The following WDR72 variants were observed in gnomAD, a reference collection of about 807,000 sequenced individuals.
WDR72 encodes the protein WD repeat-containing protein 72.
In WDR72, 120 loss-of-function variants were observed where a neutral mutation model predicts 124.2. The ratio of observed to expected loss-of-function variants is 0.97; its 90% CI spans 0.83 to 1.12. The LOEUF is 1.12. Ranked by LOEUF, WDR72 falls within the 50% of genes most tolerant of loss-of-function variation. The probability of loss-of-function intolerance (pLI) is 0.00; values close to 1 mark genes in which losing one functional copy is unlikely to be tolerated. For missense variants in WDR72, 1,387 were observed against 1,278.8 expected, an observed-to-expected ratio of 1.08 and a Z score of -1.29; for synonymous variants, 452 against 441.7, an observed-to-expected ratio of 1.02 and a Z score of -0.29.
chr15:53,582,659 T>G (rs1284777705), intron 18 of WDR72, among the ~76,000 whole-genome samples: 4 of 152,018 alleles, frequency 2.6e-5, no homozygotes, highest in African/African-American at 9.7e-5. Flanking sequence ...TTAAGATACA[T>G]TTTAACTGCT....
At chr15:53,755,244 C>G (rs2018870007) in intron 1 of WDR72, among the ~76,000 whole-genome samples, 2 of 152,100 alleles carry the variant, frequency 1.3e-5, no homozygotes, top group African/African-American at 4.8e-5. Context: ...AATCAAAATG[C>G]ATATAAAGAA....
At chr15:53,714,822 T>C (rs1457519990) in intron 5 of WDR72, among the ~76,000 whole-genome samples, 1 of 152,198 alleles carries the variant, frequency 6.6e-6, no homozygotes, top group Non-Finnish European at 1.5e-5. Context: ...TTGCAGTCAC[T>C]CATTACAGAA....
At chr15:53,708,082 G>A (rs574113089) in intron 9 of WDR72, among the ~76,000 whole-genome samples, 2 of 152,092 alleles carry the variant, frequency 1.3e-5, no homozygotes, top group Admixed American at 6.5e-5. Flanking sequence ...TTGGTCCCTC[G>A]CTCCTCCTCC....
rs1891519096 is a variant in WDR72, at chr15:53,517,320, T to C, written c.*379A>G. On this transcript the variant is annotated 3_prime_UTR_variant, in exon 20 of 20. Coordinates refer to ENST00000360509, the MANE Select transcript of WDR72 (RefSeq NM_182758.4). ...TTGTAAGTAAGTATTGTGTACTACA[T>C]TGGTTTTAACATTGTTTATTATATA... The C allele has an allele frequency of 3.9e-6, 1 of 253,206 alleles. No individual in the cohort carries two copies. The highest frequency in any genetic ancestry group is 2.3e-5 in the African/African-American group (1 of 44,102). The allele number at this position is 253,206 out of a possible 1,614,324, so 15.7% of individuals were successfully genotyped here.
intron 1 of WDR72, among the ~76,000 whole-genome samples, chr15:53,734,824 T>A (rs1381207052): frequency 3.4e-5 from 5 of 146,622 alleles, no homozygotes; most frequent in Admixed American, 6.7e-5. Flanking sequence ...AAAAAAATAA[T>A]AATATTATAT....
intron 13 of WDR72, among the ~76,000 whole-genome samples, chr15:53,686,542 A>G (rs868187292): frequency 1.3e-5 from 2 of 152,070 alleles, no homozygotes; most frequent in African/African-American, 4.8e-5. Flanking sequence ...TCAACACAAG[A>G]GCACCCAGAT....
At chr15:53,602,710 T>C (rs2013099040) in intron 17 of WDR72, among the ~76,000 whole-genome samples, 1 of 151,992 alleles carries the variant, frequency 6.6e-6, no homozygotes, top group South Asian at 2.1e-4. Context: ...GCTAGTAATA[T>C]ATACACGTGA....
chr15:53,669,954 G>T (rs1040644405), intron 13 of WDR72, among the ~76,000 whole-genome samples: 76 of 152,114 alleles, frequency 5.0e-4, no homozygotes, highest in African/African-American at 1.7e-3. Flanking sequence ...AGTACATCAA[G>T]AATAGGAGTT....
intron 18 of WDR72, among the ~76,000 whole-genome samples, chr15:53,546,929 T>A (rs1318808871): frequency 6.6e-6 from 1 of 152,130 alleles, no homozygotes; most frequent in African/African-American, 2.4e-5. Flanking sequence ...TTGGTAGTGA[T>A]AGAAAGAGTA....
chr15:53,758,672 T>C (rs866638391), intron 1 of WDR72, among the ~76,000 whole-genome samples: 1 of 144,934 alleles, frequency 6.9e-6, no homozygotes, highest in African/African-American at 2.6e-5. Context: ...GCAGTGACAA[T>C]GGGAAGGGGT....
At position 53,522,425 on chromosome 15, in the gene WDR72, A is replaced by C. The variant is rs567368404; in HGVS notation, c.3253+793T>G. ...GAATCACAAATATTAAGTGGAGGAG[A>C]TATTTAACTCTTTCATTCATGATAA... On this transcript the variant is annotated intron_variant, in intron 19 of 19. Coordinates refer to ENST00000360509, the MANE Select transcript of WDR72 (RefSeq NM_182758.4). Among the ~76,000 whole-genome samples the C allele has an allele frequency of 9.2e-5, 14 of 152,070 alleles. No individual in the cohort carries two copies. In the East Asian group the frequency reaches 2.7e-3, roughly 30 times the overall value.
At chr15:53,558,073 C>A (rs1893994852) in intron 18 of WDR72, among the ~76,000 whole-genome samples, 1 of 151,962 alleles carries the variant, frequency 6.6e-6, no homozygotes, top group South Asian at 2.1e-4. Flanking sequence ...GGACTCAGAA[C>A]AAAGGCCCAG....
At chr15:53,679,002 T>C (rs1372555818) in intron 13 of WDR72, among the ~76,000 whole-genome samples, 2 of 152,162 alleles carry the variant, frequency 1.3e-5, no homozygotes, top group African/African-American at 4.8e-5. Flanking sequence ...ACACATGCTA[T>C]AAAATGGATG....
intron 18 of WDR72, among the ~76,000 whole-genome samples, chr15:53,526,175 C>A (rs1892103312): frequency 6.6e-6 from 1 of 151,902 alleles, no homozygotes; most frequent in African/African-American, 2.4e-5. Flanking sequence ...TTTAATGTGC[C>A]CTCATACAAC....
chr15:53,710,351 G>A (rs984573684), intron 9 of WDR72, among the ~76,000 whole-genome samples: 50 of 148,366 alleles, frequency 3.4e-4, no homozygotes, highest in African/African-American at 1.0e-3. Context: ...GTGTTTGTAC[G>A]TATACACACA....
chr15:53,695,070 C>T (rs1353506391), intron 13 of WDR72, among the ~76,000 whole-genome samples: 2 of 152,098 alleles, frequency 1.3e-5, no homozygotes, highest in African/African-American at 4.8e-5. Flanking sequence ...CTATCCAGCC[C>T]TCTACAGAAA....
rs978243362 is a variant in WDR72 at position 53,687,093 on chromosome 15, C to G, written c.1765+12657G>C. 8.4e-4 allele frequency among the ~76,000 whole-genome samples: 126 copies of G among 150,026 alleles called. 2 individuals carry two copies. Among genetic ancestry groups the G allele is most frequent in the Non-Finnish European group, 1.1e-3 (73 of 67,588 alleles). ...AGAGGGAAATTTATAGCACTAAATG[C>G]CCACAAGAGAAAGCAGGAAAGATCC... On this transcript the variant is annotated intron_variant, in intron 13 of 19. Coordinates refer to ENST00000360509, the MANE Select transcript of WDR72 (RefSeq NM_182758.4).
At chr15:53,624,127 A>G (rs1452696269) in intron 14 of WDR72, among the ~76,000 whole-genome samples, 2 of 152,128 alleles carry the variant, frequency 1.3e-5, no homozygotes, top group Non-Finnish European at 2.9e-5. Flanking sequence ...AGTGATGGCT[A>G]GAAGAAGGGT....
chr15:53,535,967 C>T (rs188654330), intron 18 of WDR72, among the ~76,000 whole-genome samples: 30 of 152,286 alleles, frequency 2.0e-4, no homozygotes, highest in South Asian at 6.2e-4. Context: ...CTTATAATGG[C>T]ATATCCTAGG....
Sources: gnomAD v4.1 joint callset for allele counts (sites outside exome capture counted in the v4.1 genomes callset) on GRCh38, gnomAD v4.1.1 for gene constraint, MANE v1.5 for transcripts, NCBI Gene and HGNC (gene_info 2026-07-23, HGNC 2026-07-21) for gene names.